Variants in CTNNA3 observed in about 807,000 individuals in gnomAD.
CTNNA3 encodes the protein catenin alpha-3.
Under a neutral mutation model 95.7 loss-of-function variants are expected in CTNNA3, and 76 were observed. The ratio of observed to expected loss-of-function variants is 0.79; its 90% CI spans 0.66 to 0.96. The LOEUF (loss-of-function observed/expected upper bound fraction) is 0.96. Ranked by LOEUF, CTNNA3 falls within the 40% of genes least tolerant of loss-of-function variation. The pLI is 0.00. For synonymous variants in CTNNA3, 431 were observed against 374.4 expected (o/e 1.15, Z -1.74); for missense variants, 1,191 against 1,089.8 (o/e 1.09, Z -1.31).
At chr10:66,940,257 T>C (rs1847929244) in intron 7 of CTNNA3, among the ~76,000 whole-genome samples, 2 of 152,124 alleles carry the variant, frequency 1.3e-5, no homozygotes, top group Admixed American at 6.6e-5. Flanking sequence ...CCCAGCACTT[T>C]GGGAGGCCGA....
chr10:67,117,004 G>A (rs1004711165), intron 7 of CTNNA3, among the ~76,000 whole-genome samples: 1 of 151,668 alleles, frequency 6.6e-6, no homozygotes, highest in Non-Finnish European at 1.5e-5. Context: ...TGGTGTAAAA[G>A]AGGCTTAAAT....
intron 7 of CTNNA3, among the ~76,000 whole-genome samples, chr10:66,802,438 A>C (rs1841465997): frequency 6.6e-6 from 1 of 151,842 alleles, no homozygotes; most frequent in African/African-American, 2.4e-5. Context: ...ACAGAACTGA[A>C]TACCATCTCA....
chr10:66,222,241 A>G (rs1475289266), intron 13 of CTNNA3, among the ~76,000 whole-genome samples: 3 of 151,784 alleles, frequency 2.0e-5, no homozygotes, highest in Non-Finnish European at 4.4e-5. Context: ...TTTTATTCAT[A>G]TTTTGCAGTA....
intron 1 of CTNNA3, among the ~76,000 whole-genome samples, chr10:67,673,189 G>T (rs1409637330): frequency 4.6e-5 from 7 of 150,862 alleles, no homozygotes; most frequent in African/African-American, 1.7e-4. Flanking sequence ...AAGAATGCTT[G>T]TGATTTTTGT....
chr10:66,351,903 T>G (rs554867268), intron 12 of CTNNA3, among the ~76,000 whole-genome samples: 1 of 152,166 alleles, frequency 6.6e-6, no homozygotes, highest in African/African-American at 2.4e-5. Flanking sequence ...GTTTAGTGAC[T>G]ATTATATGCC....
intron 13 of CTNNA3, among the ~76,000 whole-genome samples, chr10:66,136,698 C>T (rs756491982): frequency 1.3e-5 from 1 of 78,834 alleles, no homozygotes; most frequent in Non-Finnish European, 2.6e-5. Context: ...TCACTGAAAG[C>T]GGAGTTTAGA....
At chr10:67,380,572 A>C (rs907362246) in intron 5 of CTNNA3, among the ~76,000 whole-genome samples, 8 of 152,186 alleles carry the variant, frequency 5.3e-5, no homozygotes, top group African/African-American at 1.4e-4. Context: ...AAGGATCAAT[A>C]TCTTTTACAA....
At chr10:67,444,668 AAGG>A in intron 5 of CTNNA3, among the ~76,000 whole-genome samples, 1 of 147,634 alleles carries the variant, frequency 6.8e-6, no homozygotes, top group East Asian at 2.0e-4. Flanking sequence ...ACTAAGAAAA[AAGG>A]AGAGAAAATC....
chr10:67,599,445 A>G (rs1232209166), intron 3 of CTNNA3, among the ~76,000 whole-genome samples: 1 of 152,138 alleles, frequency 6.6e-6, no homozygotes, highest in African/African-American at 2.4e-5. Flanking sequence ...GTAGTCAGCA[A>G]ATAAAGGGTG....
intron 9 of CTNNA3, among the ~76,000 whole-genome samples, chr10:66,663,909 T>A (rs867457868): frequency 6.6e-6 from 1 of 152,210 alleles, no homozygotes; most frequent in African/African-American, 2.4e-5. Flanking sequence ...CTCCAAAGAA[T>A]TTTTTCTAGT....
intron 7 of CTNNA3, among the ~76,000 whole-genome samples, chr10:67,002,030 C>T (rs570661681): frequency 1.6e-4 from 24 of 152,176 alleles, no homozygotes; most frequent in Admixed American, 1.5e-3. Context: ...AGGAGGTCAC[C>T]GTCTGGTTGA....
chr10:65,980,313 C>T lies in CTNNA3; in HGVS notation c.2265+8379G>A, dbSNP rs10996805. On this transcript the variant is annotated intron_variant, in intron 16 of 17. Coordinates refer to ENST00000433211, the MANE Select transcript of CTNNA3 (RefSeq NM_013266.4). ...CTCTGAACAGGTCAATAATATGCAG[C>T]GAGATTGAAACGGTAATTTAAAAAT... Among the ~76,000 whole-genome samples the T allele has an allele frequency of 3.0e-4, 45 of 151,708 alleles. No individual in the cohort carries two copies. In the East Asian group the frequency reaches 7.9e-3, roughly 27 times the overall value.
chr10:65,996,907 A>G (rs1217612636), intron 15 of CTNNA3, among the ~76,000 whole-genome samples: 5 of 152,054 alleles, frequency 3.3e-5, no homozygotes, highest in Admixed American at 3.3e-4. Flanking sequence ...TGTACTTGCT[A>G]TTTTAGTTTT....
chr10:67,204,440 G>A (rs1863797889), intron 6 of CTNNA3, among the ~76,000 whole-genome samples: 3 of 152,020 alleles, frequency 2.0e-5, no homozygotes, highest in African/African-American at 4.8e-5. Context: ...CTTCCACCAC[G>A]ATTGAAAGTT....
chr10:66,567,217 G>C (rs1842739144), intron 10 of CTNNA3, among the ~76,000 whole-genome samples: 1 of 152,088 alleles, frequency 6.6e-6, no homozygotes. Context: ...AGACTAATCA[G>C]TGGAAGGTGC....
intron 13 of CTNNA3, among the ~76,000 whole-genome samples, chr10:66,180,354 A>AATT (rs1417467134): frequency 6.6e-6 from 1 of 152,158 alleles, no homozygotes; most frequent in African/African-American, 2.4e-5. Flanking sequence ...GGATAAAGAT[A>AATT]ATTCTGCTCC....
chr10:67,284,414 C>A (rs1404738899), intron 5 of CTNNA3, among the ~76,000 whole-genome samples: 2 of 152,032 alleles, frequency 1.3e-5, no homozygotes, highest in Non-Finnish European at 2.9e-5. Flanking sequence ...ATTCATGCAA[C>A]CAAATTAGTA....
intron 9 of CTNNA3, among the ~76,000 whole-genome samples, chr10:66,727,116 A>G (rs1161504540): frequency 1.3e-5 from 2 of 152,124 alleles, no homozygotes; most frequent in African/African-American, 4.8e-5. Flanking sequence ...GGGAGACAAT[A>G]ATTTTCCTAT....
chr10:67,341,724 G>C (rs1363451786), intron 5 of CTNNA3, among the ~76,000 whole-genome samples: 1 of 152,082 alleles, frequency 6.6e-6, no homozygotes, highest in Non-Finnish European at 1.5e-5. Flanking sequence ...CAATGGGATT[G>C]CTGCATCATT....
Sources: gnomAD v4.1 joint callset for allele counts (sites outside exome capture counted in the v4.1 genomes callset) on GRCh38, gnomAD v4.1.1 for gene constraint, MANE v1.5 for transcripts, NCBI Gene and HGNC (gene_info 2026-07-23, HGNC 2026-07-21) for gene names.